FGF14: variants seen among roughly 807,000 people sequenced by gnomAD.
FGF14 encodes the protein fibroblast growth factor 14.
A neutral mutation model predicts 25.5 loss-of-function variants in FGF14; 5 were observed. The ratio of observed to expected loss-of-function variants is 0.20; its 90% confidence interval spans 0.10 to 0.41. The LOEUF (loss-of-function observed/expected upper bound fraction) is 0.41, where lower values mean the gene tolerates loss of function less well. Ranked by LOEUF, FGF14 falls within the 10% of genes least tolerant of loss-of-function variation. FGF14 has a pLI of 1.00. For missense variants in FGF14, 222 were observed against 320.1 expected, an observed-to-expected ratio of 0.69 and a Z score of 2.34; for synonymous variants, 138 against 118.3, an observed-to-expected ratio of 1.17 and a Z score of -1.08.
At chr13:102,119,456 C>A (rs977087832) in intron 1 of FGF14, among the ~76,000 whole-genome samples, 3 of 152,044 alleles carry the variant, frequency 2.0e-5, no homozygotes, top group Non-Finnish European at 2.9e-5. Context: ...GATGACAAAA[C>A]AGGAAATCTG....
chr13:102,392,216 G>C (rs926018002), intron 1 of FGF14, among the ~76,000 whole-genome samples: 1 of 152,292 alleles, frequency 6.6e-6, no homozygotes, highest in South Asian at 2.1e-4. Flanking sequence ...AAAAAAGCAC[G>C]TGTGCAAACT....
At chr13:102,316,300 CCAA>C (rs1483747917) in intron 1 of FGF14, among the ~76,000 whole-genome samples, 1 of 152,142 alleles carries the variant, frequency 6.6e-6, no homozygotes, top group Non-Finnish European at 1.5e-5. Context: ...AGCAATGTTA[CCAA>C]CAATAGTCTC....
chr13:102,374,779 T>A (rs907812073), intron 1 of FGF14, among the ~76,000 whole-genome samples: 1 of 148,012 alleles, frequency 6.8e-6, no homozygotes, highest in Non-Finnish European at 1.5e-5. Context: ...CCAAATCAAT[T>A]TCTTCTGGTG....
chr13:101,751,372 T>C (rs2037262589), intron 3 of FGF14, among the ~76,000 whole-genome samples: 1 of 152,138 alleles, frequency 6.6e-6, no homozygotes, highest in South Asian at 2.1e-4. Context: ...CTTTTAAAAG[T>C]TTATTAATTG....
chr13:101,767,221 C>G (rs1021256829), intron 3 of FGF14, among the ~76,000 whole-genome samples: 2 of 152,102 alleles, frequency 1.3e-5, no homozygotes, highest in Non-Finnish European at 1.5e-5. Flanking sequence ...AAAGGAGCAG[C>G]CTGTTCTATT....
At chr13:102,135,524 A>C (rs2046376444) in intron 1 of FGF14, among the ~76,000 whole-genome samples, 1 of 152,248 alleles carries the variant, frequency 6.6e-6, no homozygotes, top group South Asian at 2.1e-4. Context: ...TTTTTATTAC[A>C]AATAGTACAG....
chr13:102,122,243 T>A (rs1263286025), intron 1 of FGF14, among the ~76,000 whole-genome samples: 1 of 152,258 alleles, frequency 6.6e-6, no homozygotes, highest in Non-Finnish European at 1.5e-5. Flanking sequence ...GGTATTTTTA[T>A]ACTCAGCCCA....
At chr13:102,259,787 A>G (rs1336714) in intron 1 of FGF14, among the ~76,000 whole-genome samples, 93,605 of 152,060 alleles carry the variant, frequency 0.62, 29,172 homozygotes, top group Middle Eastern at 0.71. Context: ...CCAAGATGCC[A>G]CATAGCTAGT....
chr13:102,028,711 T>G (rs981656564), intron 1 of FGF14, among the ~76,000 whole-genome samples: 2 of 151,978 alleles, frequency 1.3e-5, no homozygotes, highest in African/African-American at 2.4e-5. Flanking sequence ...TATGGGGTTT[T>G]TTTTGTTTTG....
At chr13:101,847,029 A>T (rs2043498680) in intron 3 of FGF14, among the ~76,000 whole-genome samples, 1 of 152,018 alleles carries the variant, frequency 6.6e-6, no homozygotes, top group South Asian at 2.1e-4. Context: ...TTCATACCTC[A>T]ATTGAAGAAG....
At chr13:101,896,257 C>A (rs1481113768) in intron 1 of FGF14, among the ~76,000 whole-genome samples, 4 of 151,938 alleles carry the variant, frequency 2.6e-5, no homozygotes, top group Admixed American at 2.0e-4. Flanking sequence ...TTTTTCTTGC[C>A]CCAAATCAAC....
chr13:102,196,621 C>T (rs2140855098), intron 1 of FGF14, among the ~76,000 whole-genome samples: 1 of 152,254 alleles, frequency 6.6e-6, no homozygotes, highest in South Asian at 2.1e-4. Context: ...TATATGTTCA[C>T]AATGTTGAAT....
At chr13:102,263,905 C>T (rs1032059099) in intron 1 of FGF14, among the ~76,000 whole-genome samples, 3 of 151,874 alleles carry the variant, frequency 2.0e-5, no homozygotes, top group African/African-American at 7.3e-5. Context: ...AGAATCAATT[C>T]GAAACTTTAT....
intron 3 of FGF14, among the ~76,000 whole-genome samples, chr13:101,730,671 G>A (rs553698574): frequency 6.6e-6 from 1 of 152,144 alleles, no homozygotes; most frequent in Non-Finnish European, 1.5e-5. Flanking sequence ...TGTCCAATAG[G>A]TAGAACTACT....
chr13:102,049,085 T>C (rs576740637), intron 1 of FGF14, among the ~76,000 whole-genome samples: 1 of 151,802 alleles, frequency 6.6e-6, no homozygotes, highest in East Asian at 1.9e-4. Context: ...AAATCAATAG[T>C]CAAAGAAACT....
At chr13:102,254,268 G>A (rs1388534298) in intron 1 of FGF14, among the ~76,000 whole-genome samples, 1 of 152,186 alleles carries the variant, frequency 6.6e-6, no homozygotes, top group East Asian at 1.9e-4. Context: ...AACTCACAAT[G>A]CAGGTTGTCT....
chr13:102,369,460 T>C (rs12857219), intron 1 of FGF14, among the ~76,000 whole-genome samples: 18,004 of 152,282 alleles, frequency 0.12, 1,310 homozygotes, highest in Non-Finnish European at 0.17. Context: ...CTTTGCCTCC[T>C]GTGTGCTCCT....
chr13:101,743,150 C>G (rs1176024243), intron 3 of FGF14, among the ~76,000 whole-genome samples: 1 of 152,152 alleles, frequency 6.6e-6, no homozygotes, highest in Non-Finnish European at 1.5e-5. Flanking sequence ...TTGCCCCAAC[C>G]TTCTTGGGCA....
intron 1 of FGF14, among the ~76,000 whole-genome samples, chr13:102,223,651 G>C (rs2050711537): frequency 6.6e-6 from 1 of 152,108 alleles, no homozygotes; most frequent in Admixed American, 6.6e-5. Flanking sequence ...AAAATCAACA[G>C]GGTCTTTGCC....
Sources: allele counts gnomAD v4.1 joint callset (sites outside exome capture counted in the v4.1 genomes callset), GRCh38; gene constraint gnomAD v4.1.1; transcripts MANE v1.5; gene names NCBI Gene and HGNC (gene_info 2026-07-23, HGNC 2026-07-21).